MYH13: variants seen among roughly 807,000 people sequenced by gnomAD.
MYH13 encodes the protein myosin heavy chain 13, also known as myosin-13.
MYH13 carries 177 observed loss-of-function variants against 232.1 expected under a neutral mutation model. That is an observed-to-expected ratio of 0.76 (90% CI 0.67 to 0.86). The LOEUF is 0.86. MYH13 is among the 40% of genes least tolerant of loss of function. The pLI is 0.00. For synonymous variants in MYH13, 884 were observed against 923.5 expected, an observed-to-expected ratio of 0.96 and a Z score of 0.78; for missense variants, 2,246 against 2,405.9, an observed-to-expected ratio of 0.93 and a Z score of 1.39.
At chr17:10,363,114 T>TC (rs1055639708) in intron 3 of MYH13, among the ~76,000 whole-genome samples, 3 of 152,152 alleles carry the variant, frequency 2.0e-5, no homozygotes, top group South Asian at 2.1e-4. Flanking sequence ...TAATTTTTTT[T>TC]CCCTCTGTTT....
intron 15 of MYH13, among the ~76,000 whole-genome samples, chr17:10,344,689 C>T (rs189917350): frequency 3.3e-5 from 5 of 151,674 alleles, no homozygotes; most frequent in South Asian, 2.1e-4. Flanking sequence ...GGCGTGGTGG[C>T]GGGCACCTGT....
intron 12 of MYH13, among the ~76,000 whole-genome samples, chr17:10,347,244 A>G (rs1236936451): frequency 6.6e-6 from 1 of 152,176 alleles, no homozygotes. Flanking sequence ...AAGCGCCTGT[A>G]GTCCCAGCTA....
intron 15 of MYH13, among the ~76,000 whole-genome samples, 178 bp downstream of exon 15, chr17:10,345,024 T>G (rs972804862): frequency 6.6e-6 from 1 of 152,078 alleles, no homozygotes; most frequent in African/African-American, 2.4e-5. Context: ...TAAACCTCTT[T>G]AAGTGTCAGA....
chr17:10,343,793 AT>A lies in MYH13; in HGVS notation c.1894+6del, dbSNP rs1597384883. Reference sequence around the variant, plus strand: ...CCCACAGAGGGAAAGAAATGATAGAATTTTACCTGTCTCTGCACCAGCATAG... The same window carrying A: ...CCCACAGAGGGAAAGAAATGATAGAATTTACCTGTCTCTGCACCAGCATAG... On this transcript the variant is annotated splice_donor_region_variant and intron_variant, in intron 16 of 40. Transcript: ENST00000252172. 2.5e-6 allele frequency: 4 copies of A among 1,580,822 alleles called. No individual in the cohort carries two copies. Among genetic ancestry groups the A allele is most frequent in the Non-Finnish European group, 3.4e-6 (4 of 1,162,630 alleles).
At chr17:10,372,331 C>T (rs2071883137) in intron 1 of MYH13, among the ~76,000 whole-genome samples, 1 of 152,148 alleles carries the variant, frequency 6.6e-6, no homozygotes, top group South Asian at 2.1e-4. Context: ...CTCCAAGATT[C>T]CTTTCAGCCC....
chr17:10,321,751 C>A, intron 23 of MYH13, 43 bp from the exon 24 acceptor site: 1 of 1,514,298 alleles, frequency 6.6e-7, no homozygotes, highest in South Asian at 1.2e-5. Context: ...AACGATTATG[C>A]CAGAAGCTTC....
In MYH13 at chr17:10,315,955, T is replaced by C. The variant is rs1382640785; in HGVS notation, c.3809A>G (p.Gln1270Arg). Residue 1270 changes from glutamine to arginine, a missense_variant, in exon 28 of 41, where the codon CAG becomes CGG. Physicochemically the swap from Gln to Arg is conservative, Grantham distance 43. Coordinates refer to ENST00000252172, the MANE Select transcript of MYH13 (RefSeq NM_003802.3). ...GTTCAGATCATGGATCAACTGTGTC[T>C]GTTGCTCGTCCTTGGCTTTGATTTC... ...FSEIKAKDEQ[Q>R]TQLIHDLNMQ... The C allele has an allele frequency of 1.9e-6, 3 of 1,614,044 alleles. No homozygotes were observed. In the South Asian group the frequency reaches 3.3e-5, roughly 18 times the overall value.
rs61543278 is a variant in MYH13 at position 10,326,981 on chromosome 17, G to GT, written c.2691+884dup. Among the ~76,000 whole-genome samples the GT allele has an allele frequency of 8.1e-3, 452 of 55,826 alleles. 194 individuals are homozygous for GT. Among genetic ancestry groups the GT allele is most frequent in the East Asian group, 0.014 (23 of 1,608 alleles). The allele number at this position is 55,826 out of a possible 152,430, so 36.6% of individuals were successfully genotyped here. A position where few individuals can be genotyped will look rare whatever the true frequency, so the allele number is the denominator to read the frequency against. On this transcript the variant is annotated intron_variant, in intron 22 of 40. Coordinates refer to ENST00000252172, the MANE Select transcript of MYH13 (RefSeq NM_003802.3). ...GAGACATGCACCACCATGCCTACTA[G>GT]TTTTTTTTTTTTTTTTTTTTTTTTT...
intron 16 of MYH13, among the ~76,000 whole-genome samples, chr17:10,342,947 G>A (rs796324499): frequency 3.3e-5 from 5 of 152,044 alleles, no homozygotes; most frequent in African/African-American, 7.2e-5. Context: ...AAAATTAGCC[G>A]GGCGTGGTGG....
intron 13 of MYH13, among the ~76,000 whole-genome samples, chr17:10,346,178 CAT>C: frequency 6.6e-6 from 1 of 152,228 alleles, no homozygotes; most frequent in Non-Finnish European, 1.5e-5. Context: ...GGTTATAGCA[CAT>C]GACTCCAGCC....
intron 37 of MYH13, among the ~76,000 whole-genome samples, chr17:10,305,632 CAA>C (rs1023969773): frequency 1.3e-5 from 2 of 152,118 alleles, no homozygotes; most frequent in Admixed American, 1.3e-4. Flanking sequence ...CTCCCTGGGA[CAA>C]GAGACATTCG....
rs747410232 is a variant in MYH13, at chr17:10,360,147, G to C, written c.533+14C>G. 6.2e-7 allele frequency: 1 copy of C among 1,614,148 alleles called. No homozygotes were observed. Among genetic ancestry groups the C allele is most frequent in the Non-Finnish European group, 8.5e-7 (1 of 1,179,994 alleles). ...GGTTTCCAAGTCATGATGGTACAAA[G>C]AGGTGTTACTCACGTGATGAGGATA... On this transcript the variant is annotated intron_variant, in intron 6 of 40. Transcript: ENST00000252172.
At chr17:10,344,212 G>C (rs1454849657) in intron 15 of MYH13, 103 bp from the exon 16 acceptor site, 1 of 1,489,548 alleles carries the variant, frequency 6.7e-7, no homozygotes, top group Non-Finnish European at 9.0e-7. Flanking sequence ...CTGGTACCAG[G>C]AATGCTGGCA....
chr17:10,360,912 A>G (rs1597389523), intron 5 of MYH13, among the ~76,000 whole-genome samples: 1 of 152,192 alleles, frequency 6.6e-6, no homozygotes, highest in East Asian at 1.9e-4. Flanking sequence ...ACAAATAAAA[A>G]ACAACAAAGA....
At chr17:10,323,833 A>AAGAGTC (rs1409824742) in intron 23 of MYH13, among the ~76,000 whole-genome samples, 189 bp downstream of exon 23, 1 of 142,620 alleles carries the variant, frequency 7.0e-6, no homozygotes, top group African/African-American at 2.6e-5. Flanking sequence ...GAAGAAGAAG[A>AAGAGTC]GTCTATGGGT....
intron 3 of MYH13, 82 bp downstream of exon 3, chr17:10,364,245 C>T: frequency 7.2e-7 from 1 of 1,387,584 alleles, no homozygotes; most frequent in Non-Finnish European, 1.0e-6. Context: ...TTCCGAAGGA[C>T]CAGCATGCAA....
chr17:10,366,381 G>GTTTGTTTTTTTTTTT (rs2071837334), intron 2 of MYH13, among the ~76,000 whole-genome samples: 2 of 112,640 alleles, frequency 1.8e-5, no homozygotes, highest in African/African-American at 6.5e-5. Flanking sequence ...AAATAAATCT[G>GTTTGTTTTTTTTTTT]TTTTTTTTTT....
At chr17:10,330,645 A>G (rs1390367772) in intron 20 of MYH13, 122 bp from the exon 21 acceptor site, 8 of 1,338,362 alleles carry the variant, frequency 6.0e-6, no homozygotes, top group Non-Finnish European at 6.0e-6. Flanking sequence ...AGGGGCAGCA[A>G]TTCTGTTTCC....
intron 2 of MYH13, among the ~76,000 whole-genome samples, chr17:10,370,497 T>C (rs1335199770): frequency 6.6e-6 from 1 of 152,182 alleles, no homozygotes; most frequent in Non-Finnish European, 1.5e-5. Context: ...TCAACCACTC[T>C]GTTCCTGTCT....
Sources: gnomAD v4.1 joint callset for allele counts (sites outside exome capture counted in the v4.1 genomes callset) on GRCh38, gnomAD v4.1.1 for gene constraint, MANE v1.5 for transcripts, NCBI Gene and HGNC (gene_info 2026-07-23, HGNC 2026-07-21) for gene names.